Variants in CACNA2D3 observed in about 807,000 individuals in gnomAD.
CACNA2D3 encodes the protein voltage-dependent calcium channel subunit alpha-2/delta-3.
Under a neutral mutation model 160.6 loss-of-function variants are expected in CACNA2D3, and 60 were observed. The ratio of observed to expected loss-of-function variants is 0.37; its 90% CI spans 0.30 to 0.46. The LOEUF (loss-of-function observed/expected upper bound fraction) is 0.46. Among genes scored for constraint, CACNA2D3 ranks in the 20% least tolerant of loss-of-function variants. CACNA2D3 has a pLI of 1.00. For missense variants in CACNA2D3, 1,205 were observed against 1,365.0 expected (o/e 0.88, Z 1.85); for synonymous variants, 558 against 492.9 (o/e 1.13, Z -1.75).
chr3:54,777,878 C>A (rs1702453931), intron 13 of CACNA2D3, among the ~76,000 whole-genome samples: 1 of 152,150 alleles, frequency 6.6e-6, no homozygotes, highest in Non-Finnish European at 1.5e-5. Context: ...TTCTGTCTGC[C>A]TCTGGAAAAT....
At chr3:54,605,247 C>G (rs1156658509) in intron 9 of CACNA2D3, among the ~76,000 whole-genome samples, 1 of 152,158 alleles carries the variant, frequency 6.6e-6, no homozygotes, top group Non-Finnish European at 1.5e-5. Flanking sequence ...TGCAGCAACC[C>G]TTCTAGGACT....
At chr3:54,899,741 C>A in intron 26 of CACNA2D3, 47 bp from the exon 27 acceptor site, 1 of 1,310,672 alleles carries the variant, frequency 7.6e-7, no homozygotes, top group Non-Finnish European at 1.1e-6. Context: ...TTAACGTGTA[C>A]ACTGTAATTA....
intron 3 of CACNA2D3, among the ~76,000 whole-genome samples, chr3:54,352,601 T>G (rs1427100057): frequency 6.6e-6 from 1 of 152,206 alleles, no homozygotes; most frequent in African/African-American, 2.4e-5. Context: ...GATCAGGCAC[T>G]TCTGGTCCCC....
intron 28 of CACNA2D3, 85 bp downstream of exon 28, chr3:54,968,596 C>A: frequency 1.1e-6 from 1 of 930,444 alleles, no homozygotes; most frequent in Non-Finnish European, 1.7e-6. Context: ...CCTGAAAGTG[C>A]CAGATTTCCG....
At chr3:54,476,392 A>G (rs778605394) in intron 4 of CACNA2D3, among the ~76,000 whole-genome samples, 2 of 151,846 alleles carry the variant, frequency 1.3e-5, no homozygotes, top group Non-Finnish European at 2.9e-5. Flanking sequence ...TCTCTTTGAG[A>G]TAGTGATTTA....
intron 27 of CACNA2D3, chr3:54,918,267 AT>A (rs1700712223): frequency 6.7e-6 from 4 of 594,658 alleles, no homozygotes; most frequent in Non-Finnish European, 1.1e-5. Flanking sequence ...TACCTATAGT[AT>A]TTTAAAAATC....
At chr3:54,335,444 G>A (rs1299291588) in intron 3 of CACNA2D3, among the ~76,000 whole-genome samples, 1 of 152,210 alleles carries the variant, frequency 6.6e-6, no homozygotes, top group Admixed American at 6.5e-5. Flanking sequence ...ACCATATAGG[G>A]TAACTTCCTG....
At chr3:54,744,112 C>T (rs193239127) in intron 11 of CACNA2D3, among the ~76,000 whole-genome samples, 1 of 152,278 alleles carries the variant, frequency 6.6e-6, no homozygotes, top group African/African-American at 2.4e-5. Context: ...CACAATGTCC[C>T]TCTATGTAGA....
At chr3:54,599,066 C>T (rs1023620527) in intron 9 of CACNA2D3, among the ~76,000 whole-genome samples, 4 of 152,114 alleles carry the variant, frequency 2.6e-5, no homozygotes, top group African/African-American at 4.8e-5. Flanking sequence ...ATTTTAAAAT[C>T]GCGCCCTATT....
intron 14 of CACNA2D3, among the ~76,000 whole-genome samples, chr3:54,820,988 G>A (rs990022072): frequency 3.9e-5 from 6 of 152,070 alleles, no homozygotes; most frequent in African/African-American, 1.4e-4. Flanking sequence ...CGTAGAGTGG[G>A]CCCGAATGTT....
At chr3:54,319,415 G>A (rs966558789) in intron 2 of CACNA2D3, among the ~76,000 whole-genome samples, 9 of 152,140 alleles carry the variant, frequency 5.9e-5, no homozygotes, top group Non-Finnish European at 8.8e-5. Flanking sequence ...AGAGCTTGGG[G>A]TGAGGAATTA....
chr3:54,706,578 C>T (rs1004092254), intron 11 of CACNA2D3, among the ~76,000 whole-genome samples: 1 of 152,102 alleles, frequency 6.6e-6, no homozygotes, highest in African/African-American at 2.4e-5. Flanking sequence ...CCATTGAGAC[C>T]AGCTGTCCTT....
intron 3 of CACNA2D3, among the ~76,000 whole-genome samples, chr3:54,321,165 TA>T (rs1703981778): frequency 2.6e-5 from 4 of 151,792 alleles, no homozygotes; most frequent in Admixed American, 2.6e-4. Flanking sequence ...ACTAAAAATA[TA>T]AAAATTAGCC....
chr3:54,775,025 ATGT>A, intron 13 of CACNA2D3, among the ~76,000 whole-genome samples: 1 of 152,280 alleles, frequency 6.6e-6, no homozygotes, highest in African/African-American at 2.4e-5. Flanking sequence ...ATCTAACATA[ATGT>A]TGTTAACTTT....
intron 25 of CACNA2D3, among the ~76,000 whole-genome samples, chr3:54,896,203 G>A (rs967316708): frequency 1.3e-5 from 2 of 151,912 alleles, no homozygotes; most frequent in East Asian, 1.9e-4. Context: ...ATGCACACAG[G>A]GGGCATGAGC....
Position 54,683,987 on chromosome 3 carries a change from T to G in CACNA2D3, c.1167+41746T>G, listed in dbSNP as rs80110753. On this transcript the variant is annotated intron_variant, in intron 11 of 37. Coordinates refer to ENST00000474759, the MANE Select transcript of CACNA2D3 (RefSeq NM_018398.3). ...CTTTTTTTTTTTTTTTTTTTTTTTT[T>G]GAGACGGAGTTTCACTCATGTAGCC... 2.0e-3 allele frequency among the ~76,000 whole-genome samples: 198 copies of G among 97,766 alleles called. 1 individual carries two copies. Among genetic ancestry groups the G allele is most frequent in the Middle Eastern group, 6.9e-3 (1 of 144 alleles). The allele number at this position is 97,766 out of a possible 152,430, so 64.1% of individuals were successfully genotyped here. A position where few individuals can be genotyped will look rare whatever the true frequency, so the allele number is the denominator to read the frequency against.
intron 35 of CACNA2D3, among the ~76,000 whole-genome samples, chr3:55,057,056 A>G (rs1330089648): frequency 6.6e-6 from 1 of 152,076 alleles, no homozygotes; most frequent in Non-Finnish European, 1.5e-5. Context: ...CATAATTTCC[A>G]TGTGTCATGG....
intron 27 of CACNA2D3, among the ~76,000 whole-genome samples, chr3:54,911,914 C>T (rs2106910584): frequency 6.6e-6 from 1 of 152,330 alleles, no homozygotes; most frequent in South Asian, 2.1e-4. Flanking sequence ...TAGCTACAGA[C>T]ATTTACTATT....
chr3:54,604,834 A>G (rs1305509602), intron 9 of CACNA2D3, among the ~76,000 whole-genome samples: 2 of 152,170 alleles, frequency 1.3e-5, no homozygotes, highest in African/African-American at 2.4e-5. Flanking sequence ...TAAACATCAG[A>G]TCACATCCCT....
Sources: gnomAD v4.1 joint callset for allele counts (sites outside exome capture counted in the v4.1 genomes callset) on GRCh38, gnomAD v4.1.1 for gene constraint, MANE v1.5 for transcripts, NCBI Gene and HGNC (gene_info 2026-07-23, HGNC 2026-07-21) for gene names.